NEGR1: variants seen among roughly 807,000 people sequenced by gnomAD.
NEGR1 encodes neuronal growth regulator 1.
Under a neutral mutation model 40.9 loss-of-function variants are expected in NEGR1, and 10 were observed. That is an observed-to-expected ratio of 0.24 (90% CI 0.15 to 0.42). The LOEUF is 0.42. Ranked by LOEUF, NEGR1 falls within the 10% of genes least tolerant of loss-of-function variation. The pLI is 1.00. For missense variants in NEGR1, 352 were observed against 438.9 expected (o/e 0.80, Z 1.77); for synonymous variants, 185 against 166.8 (o/e 1.11, Z -0.84).
intron 3 of NEGR1, among the ~76,000 whole-genome samples, chr1:71,758,827 AT>A (rs1655834124): frequency 1.3e-5 from 2 of 152,172 alleles, no homozygotes; most frequent in Admixed American, 6.5e-5. Flanking sequence ...ATATATTTCA[AT>A]AAGGATCCAA....
intron 1 of NEGR1, among the ~76,000 whole-genome samples, chr1:72,034,472 T>A (rs1468091723): frequency 6.6e-6 from 1 of 152,220 alleles, no homozygotes; most frequent in Non-Finnish European, 1.5e-5. Context: ...CATGCCTTGG[T>A]TTCTCTCTTC....
At chr1:71,873,389 G>A (rs1448808459) in intron 2 of NEGR1, among the ~76,000 whole-genome samples, 4 of 151,990 alleles carry the variant, frequency 2.6e-5, no homozygotes, top group Admixed American at 2.6e-4. Flanking sequence ...TTTTATTGTG[G>A]CATGGGATAG....
intron 2 of NEGR1, among the ~76,000 whole-genome samples, chr1:71,833,563 T>C (rs1421503178): frequency 6.6e-6 from 1 of 152,028 alleles, no homozygotes; most frequent in Non-Finnish European, 1.5e-5. Flanking sequence ...AAATGACAAA[T>C]GCATTTTGAG....
At chr1:71,984,943 T>C (rs1261072150) in intron 1 of NEGR1, among the ~76,000 whole-genome samples, 1 of 152,138 alleles carries the variant, frequency 6.6e-6, no homozygotes, top group Non-Finnish European at 1.5e-5. Flanking sequence ...ATATTATAAA[T>C]AAATAAATTC....
At chr1:71,497,229 G>T (rs1275632900) in intron 6 of NEGR1, among the ~76,000 whole-genome samples, 1 of 152,126 alleles carries the variant, frequency 6.6e-6, no homozygotes, top group Non-Finnish European at 1.5e-5. Flanking sequence ...TAAGAAAAGA[G>T]AAACTACCTT....
intron 4 of NEGR1, among the ~76,000 whole-genome samples, chr1:71,651,480 A>T (rs986483661): frequency 2.6e-5 from 4 of 152,174 alleles, no homozygotes; most frequent in African/African-American, 9.7e-5. Context: ...GTTACTGCTC[A>T]TTGCATGTGC....
chr1:71,684,023 T>C (rs936717748), intron 4 of NEGR1, among the ~76,000 whole-genome samples: 4 of 152,046 alleles, frequency 2.6e-5, no homozygotes, highest in Admixed American at 1.3e-4. Flanking sequence ...GTAATCCCAG[T>C]ACTTTGGGAT....
intron 2 of NEGR1, among the ~76,000 whole-genome samples, chr1:71,873,118 C>CAAAAAAAAAAAA (rs34592789): frequency 2.3e-4 from 19 of 81,818 alleles, no homozygotes; most frequent in South Asian, 5.4e-4. Flanking sequence ...AAAGATGTAG[C>CAAAAAAAAAAAA]AAAAAAAAAA....
chr1:72,108,978 G>A (rs1299428518), intron 1 of NEGR1, among the ~76,000 whole-genome samples: 6 of 151,580 alleles, frequency 4.0e-5, no homozygotes, highest in African/African-American at 7.3e-5. Context: ...CCTGGCTGCA[G>A]TGAGTCAATA....
At chr1:71,409,900 A>G (rs1410203669) in intron 6 of NEGR1, among the ~76,000 whole-genome samples, 2 of 151,970 alleles carry the variant, frequency 1.3e-5, no homozygotes, top group Admixed American at 1.3e-4. Flanking sequence ...TAGTACATTC[A>G]TTCATTCAGC....
intron 3 of NEGR1, among the ~76,000 whole-genome samples, chr1:71,710,399 A>G (rs1220615659): frequency 1.3e-5 from 2 of 152,234 alleles, no homozygotes; most frequent in Non-Finnish European, 2.9e-5. Context: ...AAAGAAAATC[A>G]GTATATCAAG....
intron 2 of NEGR1, among the ~76,000 whole-genome samples, chr1:71,901,491 T>C (rs1661141315): frequency 6.6e-6 from 1 of 151,956 alleles, no homozygotes; most frequent in African/African-American, 2.4e-5. Flanking sequence ...GAAAACACTA[T>C]TATTGAATGA....
At chr1:71,459,850 A>T (rs897399220) in intron 6 of NEGR1, among the ~76,000 whole-genome samples, 1 of 152,196 alleles carries the variant, frequency 6.6e-6, no homozygotes, top group Non-Finnish European at 1.5e-5. Flanking sequence ...TATCCTTTGA[A>T]TATTAGCTCA....
intron 1 of NEGR1, among the ~76,000 whole-genome samples, chr1:72,201,382 G>A (rs537033376): frequency 1.3e-5 from 2 of 150,850 alleles, no homozygotes; most frequent in African/African-American, 4.9e-5. Context: ...CAAAATATCA[G>A]TATTTTATTT....
intron 6 of NEGR1, among the ~76,000 whole-genome samples, chr1:71,585,124 T>C (rs1332133774): frequency 6.6e-6 from 1 of 152,108 alleles, no homozygotes; most frequent in Admixed American, 6.6e-5. Context: ...CATTTTTTTG[T>C]CGAATAAAAA....
chr1:71,644,594 A>C (rs2101576558), intron 4 of NEGR1, among the ~76,000 whole-genome samples: 1 of 152,124 alleles, frequency 6.6e-6, no homozygotes, highest in South Asian at 2.1e-4. Context: ...TACTCAATAC[A>C]TAGTTGTTGA....
At chr1:72,012,302 A>G (rs540394447) in intron 1 of NEGR1, among the ~76,000 whole-genome samples, 44 of 152,136 alleles carry the variant, frequency 2.9e-4, no homozygotes, top group African/African-American at 1.0e-3. Context: ...TGGCTAACTA[A>G]AGGGCTCAAG....
intron 1 of NEGR1, among the ~76,000 whole-genome samples, chr1:72,210,091 T>C (rs1653544822): frequency 6.6e-6 from 1 of 151,946 alleles, no homozygotes; most frequent in South Asian, 2.1e-4. Flanking sequence ...TTCTTTAGTT[T>C]TGCAGTTCTC....
chr1:72,254,431 G>A (rs1307832897), intron 1 of NEGR1, among the ~76,000 whole-genome samples: 1 of 151,994 alleles, frequency 6.6e-6, no homozygotes, highest in East Asian at 1.9e-4. Context: ...GGCCAGGCGT[G>A]GTGGCTCACG....
Sources: allele counts gnomAD v4.1 joint callset (sites outside exome capture counted in the v4.1 genomes callset), GRCh38; gene constraint gnomAD v4.1.1; transcripts MANE v1.5; gene names NCBI Gene and HGNC (gene_info 2026-07-23, HGNC 2026-07-21).